ADAMTS6: variants seen among roughly 807,000 people sequenced by gnomAD.
The protein encoded by ADAMTS6 is A disintegrin and metalloproteinase with thrombospondin motifs 6.
In ADAMTS6, 23 loss-of-function variants were observed where a neutral mutation model predicts 144.3. The ratio of observed to expected loss-of-function variants is 0.16; its 90% CI spans 0.11 to 0.23. The LOEUF is 0.23. ADAMTS6 is among the 10% of genes least tolerant of loss of function. ADAMTS6 has a pLI of 1.00. For synonymous variants in ADAMTS6, 444 were observed against 457.5 expected, an observed-to-expected ratio of 0.97 and a Z score of 0.38; for missense variants, 999 against 1,379.6, an observed-to-expected ratio of 0.72 and a Z score of 4.37.
chr5:65,389,758 T>C (rs1422770301), intron 7 of ADAMTS6, among the ~76,000 whole-genome samples: 11 of 151,818 alleles, frequency 7.2e-5, no homozygotes, highest in Admixed American at 7.2e-4. Flanking sequence ...AATTGGGAGG[T>C]CTAATGGGCA....
Position 65,291,346 on chromosome 5 carries a change from G to A in ADAMTS6, c.1495C>T (p.Arg499Cys). The A allele has an allele frequency of 1.2e-6, 2 of 1,613,350 alleles. No individual in the cohort carries two copies. Among genetic ancestry groups the A allele is most frequent in the East Asian group, 2.2e-5 (1 of 44,838 alleles). Reference protein sequence around the residue: ...QCRFQYGATSRQCKYGEVCRE... With the variant: ...QCRFQYGATSCQCKYGEVCRE... ...CTTCTTACCCCATATTTACATTGGCGGGAGGTTGCTCCATACTGGAAACGA... is the reference window on the plus strand; with the variant it reads ...CTTCTTACCCCATATTTACATTGGCAGGAGGTTGCTCCATACTGGAAACGA... Residue 499 changes from arginine (R) to cysteine (C), a missense_variant, in exon 11 of 25, where the codon CGC (arginine) becomes TGC (cysteine). Arg to Cys is a radical substitution (Grantham distance 180). Coordinates refer to ENST00000381055, the MANE Select transcript of ADAMTS6 (RefSeq NM_197941.4).
In ADAMTS6 at chr5:65,172,886, G is replaced by A. The variant is rs373608716; in HGVS notation, c.3033C>T (p.Arg1011=). 5.0e-6 allele frequency: 8 copies of A among 1,614,248 alleles called. No homozygotes were observed. Among genetic ancestry groups the A allele is most frequent in the Non-Finnish European group, 6.8e-6 (8 of 1,180,042 alleles). The change falls in exon 23 of 25, where the codon CGC becomes CGT. Residue 1011 remains arginine (R), a synonymous_variant. Transcript: ENST00000381055. Reference sequence around the variant, plus strand: ...GAGGAGGGCAGCGGCCCAAACTGCAGCGGATGCGGACAGGAGGTTTGCTTT... The same window carrying A: ...GAGGAGGGCAGCGGCCCAAACTGCAACGGATGCGGACAGGAGGTTTGCTTT... ...PEESKPPVRI[R]CSLGRCPPPR...
Position 65,395,437 on chromosome 5 carries a change from G to T in ADAMTS6, c.1073+56038C>A, listed in dbSNP as rs201721445. On this transcript the variant is annotated intron_variant, in intron 7 of 24. Coordinates refer to ENST00000381055, the MANE Select transcript of ADAMTS6 (RefSeq NM_197941.4). ...GAAATTTTTTTAACACAACACTGTT[G>T]GATATCTTCTGAAAAGGAAAGTTAA... Among the ~76,000 whole-genome samples, 34 of 152,130 alleles carry T rather than the reference G, an allele frequency of 2.2e-4. No homozygotes were observed. The East Asian group carries it at 6.6e-3, about 29-fold the overall frequency.
At position 65,191,196 on chromosome 5, in the gene ADAMTS6, A is replaced by G. The variant is rs568035328; in HGVS notation, c.2706-2976T>C. Among the ~76,000 whole-genome samples, 33 of 152,200 alleles carry G rather than the reference A, an allele frequency of 2.2e-4. 1 individual carries two copies. The South Asian group carries it at 6.4e-3, about 30-fold the overall frequency. ...CCTTCATAGCTATTAGACATTAACA[A>G]TTAGTGGGATTCATGTTCGAGTGTC... On this transcript the variant is annotated intron_variant, in intron 21 of 24. Coordinates refer to ENST00000381055, the MANE Select transcript of ADAMTS6 (RefSeq NM_197941.4).
At chr5:65,304,427 G>A (rs1743734492) in intron 9 of ADAMTS6, among the ~76,000 whole-genome samples, 1 of 152,148 alleles carries the variant, frequency 6.6e-6, no homozygotes, top group African/African-American at 2.4e-5. Flanking sequence ...ACATTAATAT[G>A]AGTGGATCTT....
intron 9 of ADAMTS6, among the ~76,000 whole-genome samples, chr5:65,315,721 G>A (rs1051492857): frequency 1.4e-5 from 2 of 142,762 alleles, no homozygotes; most frequent in Non-Finnish European, 2.9e-5. Context: ...GACACAGCAC[G>A]CTTCAGATAA....
chr5:65,402,697 C>T (rs1384458547), intron 7 of ADAMTS6, among the ~76,000 whole-genome samples: 1 of 152,032 alleles, frequency 6.6e-6, no homozygotes, highest in Admixed American at 6.6e-5. Flanking sequence ...AGGACACCCC[C>T]CCCCATATTT....
intron 7 of ADAMTS6, among the ~76,000 whole-genome samples, chr5:65,371,380 T>G (rs1000800342): frequency 6.6e-6 from 1 of 151,756 alleles, no homozygotes; most frequent in African/African-American, 2.4e-5. Context: ...TAAAAAAAAT[T>G]TAGAAGAAGG....
chr5:65,301,253 T>C (rs909018254), intron 9 of ADAMTS6, among the ~76,000 whole-genome samples: 10 of 152,220 alleles, frequency 6.6e-5, no homozygotes, highest in African/African-American at 2.4e-4. Flanking sequence ...AGATTACATA[T>C]ACATTTTAAC....
chr5:65,408,691 G>T (rs191201190), intron 7 of ADAMTS6, among the ~76,000 whole-genome samples: 102 of 152,122 alleles, frequency 6.7e-4, no homozygotes, highest in African/African-American at 2.1e-3. Flanking sequence ...ATCAACAGAA[G>T]ATACATTCTT....
intron 7 of ADAMTS6, among the ~76,000 whole-genome samples, chr5:65,368,375 T>C (rs1750503078): frequency 6.6e-6 from 1 of 152,244 alleles, no homozygotes; most frequent in African/African-American, 2.4e-5. Flanking sequence ...GGCTTACCAT[T>C]TGTTGCTTCA....
chr5:65,258,052 TTCCAAAATAC>T (rs979319590), intron 14 of ADAMTS6, among the ~76,000 whole-genome samples: 4 of 152,210 alleles, frequency 2.6e-5, no homozygotes, highest in Non-Finnish European at 4.4e-5. Context: ...CATGTAATTA[TTCCAAAATAC>T]TCCAAAATAC....
At chr5:65,402,816 C>G (rs1754047445) in intron 7 of ADAMTS6, among the ~76,000 whole-genome samples, 1 of 152,040 alleles carries the variant, frequency 6.6e-6, no homozygotes, top group Non-Finnish European at 1.5e-5. Context: ...TTCTCACTAT[C>G]ATACAATATA....
chr5:65,342,392 G>C (rs534596284), intron 7 of ADAMTS6, among the ~76,000 whole-genome samples: 2 of 152,160 alleles, frequency 1.3e-5, no homozygotes, highest in African/African-American at 4.8e-5. Context: ...TAGATCTCAT[G>C]AGACTTATTC....
At chr5:65,380,863 G>A (rs1394460762) in intron 7 of ADAMTS6, among the ~76,000 whole-genome samples, 1 of 151,860 alleles carries the variant, frequency 6.6e-6, no homozygotes, top group Non-Finnish European at 1.5e-5. Context: ...TTTACATTTT[G>A]ACCATCTGTC....
chr5:65,378,941 G>C (rs761800254), intron 7 of ADAMTS6, among the ~76,000 whole-genome samples: 1 of 151,600 alleles, frequency 6.6e-6, no homozygotes. Flanking sequence ...ATTTTAAAAA[G>C]GAATCTCAAG....
At chr5:65,445,385 T>G (rs1758192787) in intron 7 of ADAMTS6, among the ~76,000 whole-genome samples, 1 of 152,226 alleles carries the variant, frequency 6.6e-6, no homozygotes, top group Non-Finnish European at 1.5e-5. Context: ...TTGCCCAGGC[T>G]GGAGTGCAGT....
At chr5:65,373,312 T>G (rs886865019) in intron 7 of ADAMTS6, among the ~76,000 whole-genome samples, 16 of 151,360 alleles carry the variant, frequency 1.1e-4, no homozygotes, top group African/African-American at 3.9e-4. Context: ...AATCAATGAA[T>G]CCAGGAGCTG....
intron 7 of ADAMTS6, among the ~76,000 whole-genome samples, chr5:65,427,792 G>A (rs1311495921): frequency 2.8e-5 from 4 of 144,680 alleles, no homozygotes; most frequent in African/African-American, 2.5e-5. Context: ...AGCAAGACTC[G>A]GTCTCAAAAA....
Sources: allele counts gnomAD v4.1 joint callset (sites outside exome capture counted in the v4.1 genomes callset), GRCh38; gene constraint gnomAD v4.1.1; transcripts MANE v1.5; gene names NCBI Gene and HGNC (gene_info 2026-07-23, HGNC 2026-07-21).